GABRB2: variants seen among roughly 807,000 people sequenced by gnomAD.
The protein encoded by GABRB2 is gamma-aminobutyric acid receptor subunit beta-2.
Under a neutral mutation model 54.7 loss-of-function variants are expected in GABRB2, and 16 were observed. That is an observed-to-expected ratio of 0.29 (90% CI 0.20 to 0.44). The LOEUF is 0.44. Among genes scored for constraint, GABRB2 ranks in the 20% least tolerant of loss-of-function variants. The pLI is 1.00. For missense variants in GABRB2, 355 were observed against 644.0 expected (o/e 0.55, Z 4.86); for synonymous variants, 244 against 233.8 (o/e 1.04, Z -0.40).
At chr5:161,545,383 A>C in intron 2 of GABRB2, 89 bp from the exon 3 acceptor site, 1 of 855,048 alleles carries the variant, frequency 1.2e-6, no homozygotes, top group Non-Finnish European at 1.7e-6. Flanking sequence ...CACTCTGCCC[A>C]AAACCCTTCT....
chr5:161,522,130 C>T (rs1287815912), intron 3 of GABRB2, among the ~76,000 whole-genome samples: 1 of 151,748 alleles, frequency 6.6e-6, no homozygotes, highest in Non-Finnish European at 1.5e-5. Flanking sequence ...GTATATGAAT[C>T]TTGGATCTTT....
chr5:161,506,669 C>A (rs991647521), intron 3 of GABRB2, among the ~76,000 whole-genome samples: 4 of 152,068 alleles, frequency 2.6e-5, no homozygotes, highest in Non-Finnish European at 5.9e-5. Context: ...TTATTATGTA[C>A]CTCTTTTGGA....
In GABRB2 at chr5:161,336,785, T is replaced by TACAC. The variant is rs141330383; in HGVS notation, c.542-20_542-17dup. The TACAC allele has an allele frequency of 1.2e-5, 17 of 1,360,490 alleles. No individual in the cohort carries two copies. Among genetic ancestry groups the TACAC allele is most frequent in the South Asian group, 1.2e-4 (9 of 76,274 alleles). 84.3% of individuals were successfully genotyped at this position (1,360,490 alleles called of 1,614,324 possible). ...GTGTATCCATCTGTGAAAGGAAACA[T>TACAC]ACACACACACACACACAAATACAGA... On this transcript the variant is annotated splice_polypyrimidine_tract_variant and intron_variant, in intron 5 of 9. Coordinates refer to ENST00000393959, the MANE Select transcript of GABRB2 (RefSeq NM_001371727.1).
Position 161,410,990 on chromosome 5 carries a change from A to G in GABRB2, c.526T>C (p.Leu176=). 6.2e-7 allele frequency: 1 copy of G among 1,613,314 alleles called. No homozygotes were observed. Among genetic ancestry groups the G allele is most frequent in the Non-Finnish European group, 8.5e-7 (1 of 1,179,378 alleles). The change falls in exon 5 of 10, where the codon TTG becomes CTG. Residue 176 remains leucine (L), a synonymous_variant. Transcript: ENST00000393959. ...RYPLDEQNCT[L]EIESYGYTTD... Reference sequence around the variant, plus strand: ...AACGACTTACAGCTCTCAATTTCCAAGGTGCAGTTTTGTTCATCCAGTGGG... The same window carrying G: ...AACGACTTACAGCTCTCAATTTCCAGGGTGCAGTTTTGTTCATCCAGTGGG...
chr5:161,431,675 T>C (rs1757175659), intron 4 of GABRB2, among the ~76,000 whole-genome samples: 1 of 152,234 alleles, frequency 6.6e-6, no homozygotes, highest in African/African-American at 2.4e-5. Context: ...ACAGTCTTTA[T>C]ACTTATTTCT....
In GABRB2 at chr5:161,410,964, G is replaced by A. The variant is rs780426256; in HGVS notation, c.541+11C>T. ...AGAGTCCAGTCTAGCTGGATTCTCA[G>A]AACGACTTACAGCTCTCAATTTCCA... is the stretch of plus-strand genomic sequence containing the variant. On this transcript the variant is annotated intron_variant, in intron 5 of 9. Transcript: ENST00000393959. 5.0e-6 allele frequency: 8 copies of A among 1,607,902 alleles called. No individual in the cohort carries two copies. Among genetic ancestry groups the A allele is most frequent in the Non-Finnish European group, 6.8e-6 (8 of 1,174,690 alleles).
chr5:161,529,569 T>C (rs1760394191), intron 3 of GABRB2, among the ~76,000 whole-genome samples: 1 of 152,032 alleles, frequency 6.6e-6, no homozygotes, highest in African/African-American at 2.4e-5. Context: ...TTGTAAAATG[T>C]GATAATCTTA....
chr5:161,439,966 C>A (rs1757418797), intron 4 of GABRB2, among the ~76,000 whole-genome samples: 1 of 149,684 alleles, frequency 6.7e-6, no homozygotes, highest in East Asian at 2.0e-4. Context: ...CACATGTACT[C>A]TGGAACTTAA....
intron 3 of GABRB2, among the ~76,000 whole-genome samples, chr5:161,528,978 T>C (rs1234319805): frequency 6.6e-6 from 1 of 151,892 alleles, no homozygotes; most frequent in East Asian, 1.9e-4. Flanking sequence ...TAAAATAACA[T>C]GTATGACATG....
intron 9 of GABRB2, among the ~76,000 whole-genome samples, chr5:161,310,646 T>TACAC (rs201208068): frequency 6.6e-6 from 1 of 151,208 alleles, no homozygotes; most frequent in Non-Finnish European, 1.5e-5. Flanking sequence ...TTCTTTCGTG[T>TACAC]ACACACACAT....
At chr5:161,469,257 T>C (rs552004290) in intron 3 of GABRB2, among the ~76,000 whole-genome samples, 25 of 152,056 alleles carry the variant, frequency 1.6e-4, no homozygotes, top group East Asian at 1.2e-3. Flanking sequence ...TACAAATATG[T>C]CTTTATGCAT....
chr5:161,318,158 T>C (rs549739240), intron 9 of GABRB2, among the ~76,000 whole-genome samples: 1 of 152,014 alleles, frequency 6.6e-6, no homozygotes, highest in African/African-American at 2.4e-5. Flanking sequence ...AACAATATGG[T>C]CACTGTGAAA....
intron 4 of GABRB2, among the ~76,000 whole-genome samples, chr5:161,420,100 C>G (rs999533062): frequency 6.6e-6 from 1 of 152,048 alleles, no homozygotes; most frequent in East Asian, 1.9e-4. Context: ...CCTCAATATG[C>G]CAGATACTTT....
Position 161,351,981 on chromosome 5 carries a change from G to A in GABRB2, c.542-15212C>T, listed in dbSNP as rs181287075. ...CAATCTCACTAATCATCAGAGAAAC[G>A]CAAATTAAAACCACAGTGAGATATC... On this transcript the variant is annotated intron_variant, in intron 5 of 9. Coordinates refer to ENST00000393959, the MANE Select transcript of GABRB2 (RefSeq NM_001371727.1). 8.9e-4 allele frequency among the ~76,000 whole-genome samples: 135 copies of A among 152,084 alleles called. 1 individual carries two copies. The highest frequency in any genetic ancestry group is 3.0e-3 in the African/African-American group (126 of 41,516).
chr5:161,534,223 T>C (rs1760557779), intron 3 of GABRB2, among the ~76,000 whole-genome samples: 1 of 152,178 alleles, frequency 6.6e-6, no homozygotes, highest in South Asian at 2.1e-4. Flanking sequence ...ATTTCAGGGA[T>C]GCCAGTGGCA....
At chr5:161,325,663 A>T (rs1175246469) in intron 9 of GABRB2, among the ~76,000 whole-genome samples, 1 of 152,170 alleles carries the variant, frequency 6.6e-6, no homozygotes, top group African/African-American at 2.4e-5. Context: ...TGGAATGGTG[A>T]CAATTATCAT....
chr5:161,347,249 T>C (rs1026302965), intron 5 of GABRB2, among the ~76,000 whole-genome samples: 1 of 152,126 alleles, frequency 6.6e-6, no homozygotes, highest in Admixed American at 6.6e-5. Flanking sequence ...ATGAAGACTG[T>C]GCAAGTTAGA....
chr5:161,311,796 T>C (rs1757875205), intron 9 of GABRB2, among the ~76,000 whole-genome samples: 1 of 152,220 alleles, frequency 6.6e-6, no homozygotes, highest in South Asian at 2.1e-4. Flanking sequence ...AGAATCTGCA[T>C]TTTCATAAGA....
At chr5:161,542,552 T>C (rs1348762785) in intron 3 of GABRB2, among the ~76,000 whole-genome samples, 5 of 152,174 alleles carry the variant, frequency 3.3e-5, no homozygotes, top group Admixed American at 3.3e-4. Flanking sequence ...CATCTGAGAC[T>C]CCTGATTCAC....
Sources: gnomAD v4.1 joint callset for allele counts (sites outside exome capture counted in the v4.1 genomes callset) on GRCh38, gnomAD v4.1.1 for gene constraint, MANE v1.5 for transcripts, NCBI Gene and HGNC (gene_info 2026-07-23, HGNC 2026-07-21) for gene names.